The following LRRTM4 variants were observed in gnomAD, a reference collection of about 807,000 sequenced individuals.
LRRTM4 encodes leucine rich repeat transmembrane neuronal 4.
In LRRTM4, 25 loss-of-function variants were observed where a neutral mutation model predicts 47.6. The observed-to-expected ratio is 0.53, with a 90% CI of 0.38 to 0.73. The LOEUF is 0.73. Among genes scored for constraint, LRRTM4 ranks in the 30% least tolerant of loss-of-function variants. The pLI is 0.00. For synonymous variants in LRRTM4, 311 were observed against 269.5 expected, an observed-to-expected ratio of 1.15 and a Z score of -1.51; for missense variants, 638 against 713.4, an observed-to-expected ratio of 0.89 and a Z score of 1.20.
intron 3 of LRRTM4, among the ~76,000 whole-genome samples, chr2:77,168,193 A>T (rs1391867389): frequency 6.6e-6 from 1 of 152,228 alleles, no homozygotes; most frequent in East Asian, 1.9e-4. Flanking sequence ...AAAAGATTTC[A>T]TGTATTATTC....
chr2:77,263,942 G>A (rs1383639436), intron 3 of LRRTM4, among the ~76,000 whole-genome samples: 1 of 151,886 alleles, frequency 6.6e-6, no homozygotes, highest in Non-Finnish European at 1.5e-5. Context: ...CTATACAAAG[G>A]AAGACCTTCA....
intron 3 of LRRTM4, among the ~76,000 whole-genome samples, chr2:77,212,468 T>TAGAG (rs1186538269): frequency 1.0e-4 from 15 of 146,768 alleles, no homozygotes; most frequent in African/African-American, 3.1e-4. Flanking sequence ...TATATATATA[T>TAGAG]ATATATAGAG....
intron 3 of LRRTM4, among the ~76,000 whole-genome samples, chr2:77,443,707 T>C (rs1016586774): frequency 6.6e-6 from 1 of 152,150 alleles, no homozygotes; most frequent in African/African-American, 2.4e-5. Context: ...TAATATGATA[T>C]AAACATTGTT....
chr2:77,442,080 C>T (rs150349286), intron 3 of LRRTM4, among the ~76,000 whole-genome samples: 115 of 152,182 alleles, frequency 7.6e-4, no homozygotes, highest in African/African-American at 2.6e-3. Flanking sequence ...TTTGTTGTCC[C>T]TGAGAACAGC....
rs185740916 is a variant in LRRTM4 at position 77,331,036 on chromosome 2, T to C, written c.1551+187282A>G. Among the ~76,000 whole-genome samples the C allele has an allele frequency of 3.4e-3, 522 of 152,224 alleles. 2 individuals carry two copies. The highest frequency in any genetic ancestry group is 0.012 in the African/African-American group (493 of 41,522). The stretch of plus-strand genomic sequence containing the variant: ...TCTGTGTGAAGGTGACAGCAATCCA[T>C]TTCCAAAAATGGTTTATGTAATTTG... On this transcript the variant is annotated intron_variant, in intron 3 of 3. Transcript: ENST00000409884.
At chr2:77,461,206 CAAAT>C (rs1676775816) in intron 3 of LRRTM4, among the ~76,000 whole-genome samples, 1 of 151,608 alleles carries the variant, frequency 6.6e-6, no homozygotes, top group Non-Finnish European at 1.5e-5. Flanking sequence ...TCCTCTGACT[CAAAT>C]ACATAGTTAT....
intron 3 of LRRTM4, among the ~76,000 whole-genome samples, chr2:76,771,125 G>GA (rs5832250): frequency 0.35 from 53,736 of 151,880 alleles, 10,501 homozygotes; most frequent in African/African-American, 0.5. Context: ...ATTTAATCCT[G>GA]AAAAAAACTT....
At chr2:76,985,233 G>A (rs1168981782) in intron 3 of LRRTM4, among the ~76,000 whole-genome samples, 1 of 151,972 alleles carries the variant, frequency 6.6e-6, no homozygotes, top group African/African-American at 2.4e-5. Flanking sequence ...TGGTGAAAGA[G>A]TTTGTATTAG....
intron 3 of LRRTM4, among the ~76,000 whole-genome samples, chr2:77,100,898 C>A (rs933813142): frequency 1.4e-5 from 2 of 138,094 alleles, no homozygotes; most frequent in Non-Finnish European, 3.0e-5. Flanking sequence ...TGCAGTGGTG[C>A]GATCTCGGCT....
intron 3 of LRRTM4, among the ~76,000 whole-genome samples, chr2:77,160,323 T>A (rs1672677105): frequency 6.6e-6 from 1 of 152,154 alleles, no homozygotes; most frequent in Non-Finnish European, 1.5e-5. Flanking sequence ...GGGGCTCTCT[T>A]CCAGAGCATT....
At chr2:76,839,211 G>A (rs1671603845) in intron 3 of LRRTM4, among the ~76,000 whole-genome samples, 1 of 152,078 alleles carries the variant, frequency 6.6e-6, no homozygotes, top group African/African-American at 2.4e-5. Context: ...GACAACAGAT[G>A]GGGAGTCAAT....
Position 76,748,515 on chromosome 2 carries a change from G to A in LRRTM4, c.*180C>T. On this transcript the variant is annotated 3_prime_UTR_variant, in exon 4 of 4. Coordinates refer to ENST00000409884, the MANE Select transcript of LRRTM4 (RefSeq NM_001134745.3). Reference sequence around the variant, plus strand: ...TGCAGTCCTCCCGGTAATGCTGCAGGTGCATTCGCTGCCCTCTTCAAGCAG... The same window carrying A: ...TGCAGTCCTCCCGGTAATGCTGCAGATGCATTCGCTGCCCTCTTCAAGCAG... 3.3e-6 allele frequency: 2 copies of A among 597,930 alleles called. No individual in the cohort carries two copies. Among genetic ancestry groups the A allele is most frequent in the Non-Finnish European group, 5.9e-6 (2 of 338,048 alleles). 37.0% of individuals were successfully genotyped at this position (597,930 alleles called of 1,614,324 possible).
At chr2:76,832,864 G>C (rs1194898574) in intron 3 of LRRTM4, among the ~76,000 whole-genome samples, 1 of 152,072 alleles carries the variant, frequency 6.6e-6, no homozygotes, top group Non-Finnish European at 1.5e-5. Flanking sequence ...ACTAGGAAAA[G>C]TCAATGAATG....
In LRRTM4 at chr2:76,748,491, G is replaced by T; in HGVS notation, c.*204C>A. On this transcript the variant is annotated 3_prime_UTR_variant, in exon 4 of 4. Transcript: ENST00000409884. ...TATGTTTTAAAGCAAAGAAAGTTCT[G>T]CAGTCCTCCCGGTAATGCTGCAGGT... The T allele has an allele frequency of 3.5e-6, 2 of 578,508 alleles. No individual in the cohort carries two copies. Among genetic ancestry groups the T allele is most frequent in the Non-Finnish European group, 6.1e-6 (2 of 325,956 alleles). 35.8% of individuals were successfully genotyped at this position (578,508 alleles called of 1,614,324 possible). A position where few individuals can be genotyped will look rare whatever the true frequency, so the allele number is the denominator to read the frequency against.
chr2:77,491,543 T>C (rs1678162417), intron 3 of LRRTM4, among the ~76,000 whole-genome samples: 1 of 151,918 alleles, frequency 6.6e-6, no homozygotes, highest in Non-Finnish European at 1.5e-5. Context: ...TCCTATCACG[T>C]AGTAATACGA....
chr2:77,466,889 G>A (rs971161909), intron 3 of LRRTM4, among the ~76,000 whole-genome samples: 3 of 151,834 alleles, frequency 2.0e-5, no homozygotes, highest in South Asian at 4.2e-4. Context: ...AGTAGAGACG[G>A]GATTTCACCA....
intron 3 of LRRTM4, among the ~76,000 whole-genome samples, chr2:77,409,174 G>A (rs1305028311): frequency 6.6e-6 from 1 of 152,046 alleles, no homozygotes; most frequent in African/African-American, 2.4e-5. Flanking sequence ...AATAATATGT[G>A]TAAGAGTGTC....
chr2:76,825,236 T>C (rs1372913398), intron 3 of LRRTM4, among the ~76,000 whole-genome samples: 2 of 151,640 alleles, frequency 1.3e-5, no homozygotes, highest in Non-Finnish European at 3.0e-5. Flanking sequence ...TTCTATATGC[T>C]GGGTGGAGAA....
chr2:76,807,153 A>C (rs76772802), intron 3 of LRRTM4, among the ~76,000 whole-genome samples: 6,779 of 151,882 alleles, frequency 0.045, 460 homozygotes, highest in African/African-American at 0.14. Flanking sequence ...TCATTTCACA[A>C]TTCTACTTCA....
Sources: allele counts gnomAD v4.1 joint callset (sites outside exome capture counted in the v4.1 genomes callset), GRCh38; gene constraint gnomAD v4.1.1; transcripts MANE v1.5; gene names NCBI Gene and HGNC (gene_info 2026-07-23, HGNC 2026-07-21).